CCDC88C: variants seen among roughly 807,000 people sequenced by gnomAD.
CCDC88C encodes protein Daple.
A neutral mutation model predicts 198.8 loss-of-function variants in CCDC88C; 131 were observed. That is an observed-to-expected ratio of 0.66 (90% CI 0.57 to 0.76). CCDC88C has a LOEUF of 0.76. CCDC88C is among the 30% of genes least tolerant of loss of function. CCDC88C has a pLI of 0.00. For synonymous variants in CCDC88C, 1,166 were observed against 1,114.7 expected (o/e 1.05, Z -0.92); for missense variants, 2,553 against 2,631.6 (o/e 0.97, Z 0.65).
Position 91,339,966 on chromosome 14 carries a change from G to T in CCDC88C, c.542C>A (p.Ala181Asp). Reference sequence around the variant, plus strand: ...CGACAGGGCCTCCAGCTCCTCCGGAGCCACGTCGGGCAGCTCCAGCCACTG... The same window carrying T: ...CGACAGGGCCTCCAGCTCCTCCGGATCCACGTCGGGCAGCTCCAGCCACTG... ...DLQWLELPDV[A>D]PEELEALSRS... Residue 181 changes from alanine to aspartate, a missense_variant, in exon 7 of 30, where the codon GCT becomes GAT. Ala to Asp is a moderately radical substitution (Grantham distance 126, BLOSUM62 -2). Transcript: ENST00000389857. This position sits in a 1 kb window ranked among gnomAD's most constrained non-coding sequence, Gnocchi z 5.8. 6.2e-7 allele frequency: 1 copy of T among 1,603,056 alleles called. No individual in the cohort carries two copies. The highest frequency in any genetic ancestry group is 2.3e-5 in the East Asian group (1 of 44,386).
rs1180821459 is a variant in CCDC88C at position 91,314,147 on chromosome 14, T to G, written c.1669A>C (p.Lys557Gln). The change falls in exon 15 of 30, where the codon AAG becomes CAG. Residue 557 changes from lysine (K) to glutamine (Q), a missense_variant. Around this residue, in one of 2 missense-constraint regions of CCDC88C, gnomAD observed 1,260 missense variants for 1,412.0 expected, o/e 0.89. Coordinates refer to ENST00000389857, the MANE Select transcript of CCDC88C (RefSeq NM_001080414.4). ...TLKADKARQI[K>Q]DLEQEKDHLN... ...TGGTCCTTTTCCTGCTCAAGGTCCTTGATCTACGGGAAAACACAACAGGCA... is the reference window on the plus strand; with the variant it reads ...TGGTCCTTTTCCTGCTCAAGGTCCTGGATCTACGGGAAAACACAACAGGCA... 1.9e-6 allele frequency: 3 copies of G among 1,607,170 alleles called. No individual in the cohort carries two copies. The highest frequency in any genetic ancestry group is 2.5e-6 in the Non-Finnish European group (3 of 1,177,316).
intron 25 of CCDC88C, among the ~76,000 whole-genome samples, chr14:91,285,182 C>T (rs952355698): frequency 2.0e-5 from 3 of 152,126 alleles, no homozygotes; most frequent in South Asian, 4.1e-4. Context: ...CGGAAAAGGC[C>T]CACAACTCAG....
Position 91,272,842 on chromosome 14 carries a change from C to T in CCDC88C, c.5870G>A (p.Arg1957Gln), listed in dbSNP as rs762048795. The T allele has an allele frequency of 1.5e-5, 24 of 1,592,536 alleles. No individual in the cohort carries two copies. Among genetic ancestry groups the T allele is most frequent in the African/African-American group, 4.0e-5 (3 of 74,638 alleles). ...TCCCTCTGAGAGGCTGAGCCCTGCC[C>T]GGACAGGGGTGATGGTGGCCACCTC... is the stretch of plus-strand genomic sequence containing the variant. ...SGEVATITPVRAGLSLSEGDG... is the reference protein window; with the variant it reads ...SGEVATITPVQAGLSLSEGDG... Residue 1957 changes from arginine to glutamine, a missense_variant, in exon 30 of 30, where the codon CGG becomes CAG. This residue lies in a region of CCDC88C where 1,293 missense variants were observed against 1,219.6 expected (regional missense o/e 1.06). Transcript: ENST00000389857.
chr14:91,362,462 T>C (rs897035061), intron 3 of CCDC88C, among the ~76,000 whole-genome samples: 3 of 152,138 alleles, frequency 2.0e-5, no homozygotes, highest in Admixed American at 1.3e-4. Context: ...AATCTGAAGG[T>C]CACTGCAAAA....
intron 4 of CCDC88C, among the ~76,000 whole-genome samples, chr14:91,359,384 G>A (rs1012274370): frequency 2.0e-5 from 3 of 152,048 alleles, no homozygotes; most frequent in Non-Finnish European, 4.4e-5. Context: ...TGATCCGGCC[G>A]CCTGGGCCTC....
intron 12 of CCDC88C, 74 bp from the exon 13 acceptor site, chr14:91,321,378 T>A: frequency 6.8e-7 from 1 of 1,464,208 alleles, no homozygotes. Context: ...AGCTCCGAGA[T>A]GGTCATCAGT....
intron 3 of CCDC88C, among the ~76,000 whole-genome samples, chr14:91,366,440 T>A (rs1894542776): frequency 6.6e-6 from 1 of 152,104 alleles, no homozygotes; most frequent in Non-Finnish European, 1.5e-5. Context: ...GAGCCGAGAT[T>A]GCGCCACTGC....
chr14:91,273,299 A>G lies in CCDC88C; in HGVS notation c.5413T>C (p.Phe1805Leu). 1 of 1,558,636 alleles carries G rather than the reference A, an allele frequency of 6.4e-7. No individual in the cohort carries two copies. The highest frequency in any genetic ancestry group is 8.7e-7 in the Non-Finnish European group (1 of 1,150,284). ...AGAAGGTCAGCTGAGGCCAGGCTGA[A>G]GGCCCGGCTCAAGGAGGCACTGCGG... ...ASRSASLSRA[F>L]SLASADLLRA... The change falls in exon 30 of 30, where the codon TTC becomes CTC. Residue 1805 changes from phenylalanine to leucine, a missense_variant. By Grantham distance (22) the Phe-to-Leu change is conservative (BLOSUM62 0). Coordinates refer to ENST00000389857, the MANE Select transcript of CCDC88C (RefSeq NM_001080414.4). The surrounding 1 kb of genome is among the most constrained non-coding windows in gnomAD (Gnocchi z 5.6).
At chr14:91,307,294 G>A (rs758346935) in intron 17 of CCDC88C, 68 bp from the exon 18 acceptor site, 115 of 1,428,718 alleles carry the variant, frequency 8.0e-5, no homozygotes, top group Non-Finnish European at 1.1e-4. Flanking sequence ...CCGAGTGAGT[G>A]GCTGAGGGCA....
At position 91,284,636 on chromosome 14, in the gene CCDC88C, G is replaced by C. The variant is rs1019666625; in HGVS notation, c.4442-1119C>G. ...AGGACCCGGCACCACGGCAGCCCAG[G>C]GTTCCCAGAGCGAGGCTCATGAGAT... is the stretch of plus-strand genomic sequence containing the variant. On this transcript the variant is annotated intron_variant, in intron 25 of 29. Transcript: ENST00000389857. This position sits in a 1 kb window ranked among gnomAD's most constrained non-coding sequence, Gnocchi z 4.1. Among the ~76,000 whole-genome samples, 4 of 152,168 alleles carry C rather than the reference G, an allele frequency of 2.6e-5. No homozygotes were observed. The highest frequency in any genetic ancestry group is 2.0e-4 in the Admixed American group (3 of 15,286).
chr14:91,346,790 T>C (rs1297171085), intron 4 of CCDC88C, among the ~76,000 whole-genome samples: 1 of 152,068 alleles, frequency 6.6e-6, no homozygotes, highest in Non-Finnish European at 1.5e-5. Flanking sequence ...TCCCAGCTGC[T>C]TGGGAGGTTG....
intron 3 of CCDC88C, among the ~76,000 whole-genome samples, chr14:91,374,568 G>A (rs1039547398): frequency 2.6e-5 from 4 of 151,630 alleles, no homozygotes; most frequent in Non-Finnish European, 4.4e-5. Context: ...CCAGGTGGAC[G>A]GGTGGAACTG....
chr14:91,359,808 G>A, intron 3 of CCDC88C, 97 bp from the exon 4 acceptor site: 1 of 1,079,524 alleles, frequency 9.3e-7, no homozygotes, highest in African/African-American at 1.6e-5. Context: ...CCGGACGGGT[G>A]CACAGCCATC....
In CCDC88C at chr14:91,305,725, C is replaced by T. The variant is rs377054153; in HGVS notation, c.3357+40G>A. On this transcript the variant is annotated intron_variant, in intron 19 of 29. Transcript: ENST00000389857. ...CCCCAGGAGCCACAGATAAACATCC[C>T]GCCAGGCTTGTGACCACTGGTGTTG... is the stretch of plus-strand genomic sequence containing the variant. 2.5e-5 allele frequency: 39 copies of T among 1,572,390 alleles called. No individual in the cohort carries two copies. In the African/African-American group the frequency reaches 4.4e-4, roughly 18 times the overall value.
In CCDC88C at chr14:91,339,226, A is replaced by T. The variant is rs778764014; in HGVS notation, c.809+52T>A. ...CACACATGTGAGTCGACACCACACC[A>T]GAAACATGTCTGCAACACACACAAA... On this transcript the variant is annotated intron_variant, in intron 8 of 29. Transcript: ENST00000389857. The surrounding 1 kb of genome is among the most constrained non-coding windows in gnomAD (Gnocchi z 5.8). 4.4e-6 allele frequency: 7 copies of T among 1,598,004 alleles called. No homozygotes were observed. In the South Asian group the frequency reaches 7.9e-5, roughly 18 times the overall value.
At chr14:91,343,562 G>A in intron 5 of CCDC88C, 37 bp downstream of exon 5, 1 of 1,612,556 alleles carries the variant, frequency 6.2e-7, no homozygotes, top group Non-Finnish European at 8.5e-7. Flanking sequence ...AGATGGCTGG[G>A]GTAGGTCCCT....
chr14:91,302,803 C>T (rs938934211), intron 20 of CCDC88C, among the ~76,000 whole-genome samples: 19 of 152,200 alleles, frequency 1.2e-4, no homozygotes, highest in African/African-American at 4.1e-4. Flanking sequence ...CAAGCGAGAC[C>T]TTGATATGAA....
Position 91,288,777 on chromosome 14 carries a change from G to A in CCDC88C, c.4441+328C>T, listed in dbSNP as rs1181817507. The A allele has an allele frequency of 9.8e-6, 2 of 203,918 alleles. No homozygotes were observed. Among genetic ancestry groups the A allele is most frequent in the East Asian group, 1.1e-4 (1 of 9,170 alleles). 12.6% of individuals were successfully genotyped at this position (203,918 alleles called of 1,614,324 possible). On this transcript the variant is annotated intron_variant, in intron 25 of 29. Coordinates refer to ENST00000389857, the MANE Select transcript of CCDC88C (RefSeq NM_001080414.4). The surrounding 1 kb of genome is among the most constrained non-coding windows in gnomAD (Gnocchi z 4.2). Reference sequence around the variant, plus strand: ...AAATTAGCCAGGCGTGGTGGTGGGCGCCTATAATCCCAGCTACGTAGGAGG... The same window carrying A: ...AAATTAGCCAGGCGTGGTGGTGGGCACCTATAATCCCAGCTACGTAGGAGG...
Position 91,352,247 on chromosome 14 carries a change from A to G in CCDC88C, c.340+7395T>C, listed in dbSNP as rs1377009110. On this transcript the variant is annotated intron_variant, in intron 4 of 29. Transcript: ENST00000389857. This position sits in a 1 kb window ranked among gnomAD's most constrained non-coding sequence, Gnocchi z 4.2. ...TTCTCTGTGTGCCTGGGCCATCGCTAGGAAGTTTACTAACAAAGTCTGGTC... is the reference window on the plus strand; with the variant it reads ...TTCTCTGTGTGCCTGGGCCATCGCTGGGAAGTTTACTAACAAAGTCTGGTC... Among the ~76,000 whole-genome samples, 1 of 152,230 alleles carries G rather than the reference A, an allele frequency of 6.6e-6. No homozygotes were observed. Among genetic ancestry groups the G allele is most frequent in the African/African-American group, 2.4e-5 (1 of 41,466 alleles).
Sources: allele counts gnomAD v4.1 joint callset (sites outside exome capture counted in the v4.1 genomes callset), GRCh38; gene constraint gnomAD v4.1.1; regional missense constraint gnomAD v4.1.1; non-coding constraint Gnocchi (gnomAD v3.1); transcripts MANE v1.5; gene names NCBI Gene and HGNC (gene_info 2026-07-23, HGNC 2026-07-21).